Variants in ADAM32 observed in about 807,000 individuals in gnomAD.
ADAM32 encodes ADAM metallopeptidase domain 32, also known as disintegrin and metalloproteinase domain-containing protein 32.
A neutral mutation model predicts 114.9 loss-of-function variants in ADAM32; 89 were observed. The ratio of observed to expected loss-of-function variants is 0.77; its 90% CI spans 0.65 to 0.92. The LOEUF (loss-of-function observed/expected upper bound fraction) is 0.92. ADAM32 is among the 40% of genes least tolerant of loss of function. The pLI is 0.00. For synonymous variants in ADAM32, 285 were observed against 307.5 expected (o/e 0.93, Z 0.77); for missense variants, 870 against 932.8 (o/e 0.93, Z 0.88).
Position 39,218,960 on chromosome 8 carries a change from G to A in ADAM32, c.1234-2650G>A, listed in dbSNP as rs1808765661. Among the ~76,000 whole-genome samples, 4 of 152,072 alleles carry A rather than the reference G, an allele frequency of 2.6e-5. No homozygotes were observed. The South Asian group carries it at 6.2e-4, about 24-fold the overall frequency. ...ACTGTTCATTCTTTAGGGCCCAAGG[G>A]CTGTTTAGTGAGTAGGTGATTGATC... is the stretch of plus-strand genomic sequence containing the variant. On this transcript the variant is annotated intron_variant, in intron 12 of 24. Coordinates refer to ENST00000379907, the MANE Select transcript of ADAM32 (RefSeq NM_145004.7).
intron 12 of ADAM32, among the ~76,000 whole-genome samples, chr8:39,212,491 T>C (rs1239370562): frequency 6.6e-6 from 1 of 152,178 alleles, no homozygotes; most frequent in Non-Finnish European, 1.5e-5. Context: ...CATTTCTACC[T>C]CCACCTGTCT....
chr8:39,130,144 G>A (rs189930348), intron 2 of ADAM32: 57 of 165,324 alleles, frequency 3.4e-4, no homozygotes, highest in African/African-American at 1.3e-3. Flanking sequence ...TAGTAGAGAT[G>A]GGGTTTCACC....
chr8:39,211,396 T>A, intron 12 of ADAM32, 72 bp downstream of exon 12: 1 of 1,350,542 alleles, frequency 7.4e-7, no homozygotes, highest in Non-Finnish European at 9.7e-7. Flanking sequence ...AAATGTCATA[T>A]ATCTCAAATG....
At chr8:39,139,367 G>A (rs1270727973) in intron 3 of ADAM32, among the ~76,000 whole-genome samples, 1 of 152,160 alleles carries the variant, frequency 6.6e-6, no homozygotes, top group Non-Finnish European at 1.5e-5. Context: ...TGTAAGGAAG[G>A]GATCGAGTTT....
At chr8:39,128,739 G>T (rs766837488) in intron 2 of ADAM32, among the ~76,000 whole-genome samples, 1 of 152,078 alleles carries the variant, frequency 6.6e-6, no homozygotes, top group Non-Finnish European at 1.5e-5. Flanking sequence ...GCATTTGCTT[G>T]TCTGGAAAGA....
chr8:39,256,246 T>C (rs1056920300), intron 18 of ADAM32, among the ~76,000 whole-genome samples: 1 of 152,046 alleles, frequency 6.6e-6, no homozygotes, highest in African/African-American at 2.4e-5. Context: ...TTTACTGATA[T>C]CATTGACTTT....
chr8:39,107,797 C>T lies in ADAM32; in HGVS notation c.22C>T (p.Leu8=), dbSNP rs1212837630. 4 of 1,550,002 alleles carry T rather than the reference C, an allele frequency of 2.6e-6. No individual in the cohort carries two copies. Among genetic ancestry groups the T allele is most frequent in the Admixed American group, 3.9e-5 (2 of 50,924 alleles). ...CACCATGTTCCGCCTCTGGTTGCTG[C>T]TGGCCGGGCTCTGCGGCCTCCTGGC... MFRLWLL[L]AGLCGLLASR... Residue 8 remains leucine, a synonymous_variant, in exon 1 of 25, where the codon CTG becomes TTG. Coordinates refer to ENST00000379907, the MANE Select transcript of ADAM32 (RefSeq NM_145004.7).
chr8:39,129,895 A>G, intron 2 of ADAM32: 1 of 412,574 alleles, frequency 2.4e-6, no homozygotes, highest in Admixed American at 2.8e-5. Context: ...TCTTTTTAGA[A>G]ATTTATTAAT....
chr8:39,187,517 C>T (rs559010989), intron 11 of ADAM32, among the ~76,000 whole-genome samples: 8 of 152,148 alleles, frequency 5.3e-5, no homozygotes, highest in South Asian at 4.2e-4. Flanking sequence ...ATGATCCGCC[C>T]GCCTCGGCCT....
chr8:39,109,947 G>C (rs564590400), intron 1 of ADAM32, among the ~76,000 whole-genome samples: 1 of 152,048 alleles, frequency 6.6e-6, no homozygotes, highest in Non-Finnish European at 1.5e-5. Context: ...TCTTAGTTTT[G>C]CCTTTTCCAG....
chr8:39,151,613 A>C, intron 6 of ADAM32, 65 bp downstream of exon 6: 1 of 1,176,876 alleles, frequency 8.5e-7, no homozygotes, highest in Non-Finnish European at 1.1e-6. Flanking sequence ...TTTATTTAAA[A>C]AATAAATTTA....
chr8:39,193,791 T>A (rs554082419), intron 11 of ADAM32, among the ~76,000 whole-genome samples: 1 of 152,324 alleles, frequency 6.6e-6, no homozygotes, highest in East Asian at 1.9e-4. Flanking sequence ...ATTCCTGGAC[T>A]GCATGCTTTA....
chr8:39,281,026 C>T (rs963998424), intron 22 of ADAM32, 110 bp from the exon 23 acceptor site: 23 of 282,484 alleles, frequency 8.1e-5, no homozygotes, highest in Non-Finnish European at 1.3e-4. Flanking sequence ...TTGTGATCCA[C>T]TCGCCTCAGC....
intron 2 of ADAM32, among the ~76,000 whole-genome samples, chr8:39,123,202 A>T (rs1275740195): frequency 6.6e-6 from 1 of 152,174 alleles, no homozygotes; most frequent in Non-Finnish European, 1.5e-5. Context: ...TTTGCCATTT[A>T]TCTAGCTGGC....
intron 11 of ADAM32, among the ~76,000 whole-genome samples, chr8:39,203,033 A>G (rs1157331600): frequency 6.6e-6 from 1 of 152,182 alleles, no homozygotes; most frequent in Non-Finnish European, 1.5e-5. Context: ...ACATTTGCTG[A>G]GGAGTGCTTT....
chr8:39,130,614 A>G (rs999171371), intron 2 of ADAM32, among the ~76,000 whole-genome samples: 2 of 152,132 alleles, frequency 1.3e-5, no homozygotes, highest in African/African-American at 2.4e-5. Context: ...TCATTCAGTT[A>G]AAATATTTTC....
intron 2 of ADAM32, among the ~76,000 whole-genome samples, chr8:39,122,280 A>G (rs879873005): frequency 9.2e-5 from 14 of 152,176 alleles, no homozygotes; most frequent in Non-Finnish European, 1.8e-4. Context: ...TCCCCCGCCA[A>G]ATCCATATGT....
In ADAM32 at chr8:39,160,915, G is replaced by C. The variant is rs1010573444; in HGVS notation, c.544G>C (p.Asp182His). Residue 182 changes from aspartate to histidine, a missense_variant, in exon 7 of 25, where the codon GAT becomes CAT. By Grantham distance (81) the Asp-to-His change is moderately conservative. Transcript: ENST00000379907. ...ISEKSEPAVP[D>H]LFPLYLEMHI... ...TTTCTAGTCAGAACCAGCTGTTCCA[G>C]ATTTATTTCCTCTTTATCTAGAAAT... 4.4e-6 allele frequency: 7 copies of C among 1,598,364 alleles called. No individual in the cohort carries two copies. The African/African-American group carries it at 9.4e-5, about 21-fold the overall frequency.
chr8:39,233,824 C>A, intron 15 of ADAM32, 75 bp from the exon 16 acceptor site: 1 of 1,033,954 alleles, frequency 9.7e-7, no homozygotes, highest in Non-Finnish European at 1.3e-6. Context: ...CTTTTTGCAT[C>A]ACAGAAAGCA....
Sources: allele counts gnomAD v4.1 joint callset (sites outside exome capture counted in the v4.1 genomes callset), GRCh38; gene constraint gnomAD v4.1.1; transcripts MANE v1.5; gene names NCBI Gene and HGNC (gene_info 2026-07-23, HGNC 2026-07-21).